Variants in SPATA7 observed in about 807,000 individuals in gnomAD.
The protein encoded by SPATA7 is spermatogenesis associated 7.
SPATA7 carries 43 observed loss-of-function variants against 51.8 expected under a neutral mutation model. The observed-to-expected ratio is 0.83, with a 90% CI of 0.65 to 1.07. The LOEUF (loss-of-function observed/expected upper bound fraction) is 1.07. Ranked by LOEUF, SPATA7 falls within the 50% of genes least tolerant of loss-of-function variation. The pLI is 0.00. For synonymous variants in SPATA7, 230 were observed against 252.8 expected (o/e 0.91, Z 0.86); for missense variants, 683 against 701.3 (o/e 0.97, Z 0.30).
At chr14:88,463,373 C>T (rs566880383) in intron 4 of SPATA7, among the ~76,000 whole-genome samples, 11 of 152,158 alleles carry the variant, frequency 7.2e-5, no homozygotes, top group Admixed American at 5.2e-4. Flanking sequence ...CTGCAACAAA[C>T]GCTGGCATAC....
At chr14:88,445,306 G>A in intron 3 of SPATA7, among the ~76,000 whole-genome samples, 1 of 150,340 alleles carries the variant, frequency 6.7e-6, no homozygotes, top group East Asian at 1.9e-4. Context: ...TGGTGTATAA[G>A]AATGCTTGTG....
rs552547288 is a variant in SPATA7 at position 88,402,198 on chromosome 14, T to C, written c.238+5995T>C. Among the ~76,000 whole-genome samples the C allele has an allele frequency of 3.4e-3, 516 of 152,348 alleles. 13 individuals are homozygous for C. The highest frequency in any genetic ancestry group is 2.0e-3 in the Non-Finnish European group (133 of 68,034). On this transcript the variant is annotated intron_variant, in intron 4 of 11. Transcript: ENST00000393545. The stretch of plus-strand genomic sequence containing the variant: ...CATATTTATGAATTGGAATAATTAA[T>C]ATTGTTATAATTTTTGTACTACCCA...
At chr14:88,460,684 C>T (rs530164566) in intron 4 of SPATA7, among the ~76,000 whole-genome samples, 23 of 152,222 alleles carry the variant, frequency 1.5e-4, no homozygotes, top group East Asian at 5.8e-4. Flanking sequence ...GAAGTTTGAT[C>T]GTCTGAAGCC....
At chr14:88,449,697 G>A (rs1191454272) in intron 3 of SPATA7, among the ~76,000 whole-genome samples, 1 of 152,084 alleles carries the variant, frequency 6.6e-6, no homozygotes, top group African/African-American at 2.4e-5. Flanking sequence ...CACTATTACT[G>A]TATTAACATC....
At chr14:88,439,567 C>T (rs983076628), downstream of SPATA7, among the ~76,000 whole-genome samples, 25 of 152,072 alleles carry the variant, frequency 1.6e-4, 2 homozygotes, top group Non-Finnish European at 5.9e-5. Flanking sequence ...TAAAAAAATA[C>T]AACCCAGGTA....
intron 1 of SPATA7, 44 bp from the exon 2 acceptor site, chr14:88,391,337 T>C (rs2075738506): frequency 7.1e-7 from 1 of 1,418,026 alleles, no homozygotes; most frequent in Admixed American, 1.7e-5. Context: ...GTAAAAGTTG[T>C]GTTTCATTTA....
At chr14:88,432,797 C>T (rs998559787) in intron 9 of SPATA7, 39 of 202,476 alleles carry the variant, frequency 1.9e-4, no homozygotes, top group African/African-American at 7.3e-4. Context: ...AAACATTCCT[C>T]GGGAGTGCTT....
Position 88,394,365 on chromosome 14 carries a change from G to A in SPATA7, c.190+877G>A, listed in dbSNP as rs151128640. Among the ~76,000 whole-genome samples the A allele has an allele frequency of 1.1e-3, 162 of 152,098 alleles. 3 individuals carry two copies. In the East Asian group the frequency reaches 0.029, roughly 27 times the overall value. ...CTGGCAACCACTGATCTGCTCTTTC[G>A]CCTATAGTTTTACCTTTTCTATAAG... On this transcript the variant is annotated intron_variant, in intron 3 of 11. Transcript: ENST00000393545.
chr14:88,464,054 T>G (rs1210195613), intron 4 of SPATA7, among the ~76,000 whole-genome samples: 1 of 152,048 alleles, frequency 6.6e-6, no homozygotes, highest in African/African-American at 2.4e-5. Context: ...TTGGCCAGGC[T>G]GGTCTCATAC....
At position 88,385,954 on chromosome 14, in the gene SPATA7, G is replaced by A. The variant is rs147969668; in HGVS notation, c.19+117G>A. On this transcript the variant is annotated intron_variant, in intron 1 of 11. Coordinates refer to ENST00000393545, the MANE Select transcript of SPATA7 (RefSeq NM_018418.5). ...GCCCCTTGGGGCGCTTCCTACCCCT[G>A]GCTGAGTCGCCAGTGTTGCCTGGAG... is the stretch of plus-strand genomic sequence containing the variant. 3.6e-4 allele frequency: 557 copies of A among 1,535,988 alleles called. 1 individual carries two copies. In the African/African-American group the frequency reaches 6.9e-3, roughly 19 times the overall value.
rs1416355447 is a variant in SPATA7, at chr14:88,396,171, C to T, written c.206C>T (p.Ser69Leu). The T allele has an allele frequency of 9.3e-6, 15 of 1,610,040 alleles. No homozygotes were observed. The highest frequency in any genetic ancestry group is 6.7e-5 in the Admixed American group (4 of 59,978). ...TCTCTTTCAGCTGCAGTAGACTGCT[C>T]GGTTCCAGTAAGCGTGAGTACCAGC... ...ILSAKAAVDC[S>L]VPVSVSTSIK... Residue 69 changes from serine to leucine, a missense_variant, in exon 4 of 12, where the codon TCG becomes TTG. Ser to Leu is a moderately radical substitution (Grantham distance 145). Transcript: ENST00000393545.
chr14:88,428,510 C>G (rs1402487510), intron 7 of SPATA7: 2 of 152,168 alleles, frequency 1.3e-5, no homozygotes, highest in African/African-American at 2.4e-5. Context: ...CCTCTGAGAG[C>G]TGAATTTCCT....
chr14:88,435,377 A>T (rs2077055404), intron 10 of SPATA7, among the ~76,000 whole-genome samples: 2 of 152,264 alleles, frequency 1.3e-5, no homozygotes, highest in South Asian at 2.1e-4. Context: ...GTGAAATAAG[A>T]ACGTCACGGA....
At chr14:88,397,264 T>G (rs1429989755) in intron 4 of SPATA7, among the ~76,000 whole-genome samples, 1 of 152,204 alleles carries the variant, frequency 6.6e-6, no homozygotes, top group Non-Finnish European at 1.5e-5. Context: ...GATTTCCCCA[T>G]GTCCTCCCCA....
intron 4 of SPATA7, among the ~76,000 whole-genome samples, chr14:88,411,544 T>C (rs919471822): frequency 2.6e-5 from 4 of 152,044 alleles, no homozygotes; most frequent in Non-Finnish European, 4.4e-5. Flanking sequence ...GCAAAGACCA[T>C]GGGTAAAGCA....
chr14:88,388,738 CA>C (rs1259043871), intron 1 of SPATA7, among the ~76,000 whole-genome samples: 1 of 151,970 alleles, frequency 6.6e-6, no homozygotes, highest in Non-Finnish European at 1.5e-5. Flanking sequence ...GTATATAAAA[CA>C]AATTAATGAA....
Position 88,396,209 on chromosome 14 carries a change from T to A in SPATA7, c.238+6T>A. On this transcript the variant is annotated splice_donor_region_variant and intron_variant, in intron 4 of 11. Transcript: ENST00000393545. ...CGTGAGTACCAGCATAAAGTGTAAG[T>A]AATTTTTGGACATTATTACCTTTTT... 3.1e-6 allele frequency: 5 copies of A among 1,605,170 alleles called. No individual in the cohort carries two copies. Among genetic ancestry groups the A allele is most frequent in the Non-Finnish European group, 4.3e-6 (5 of 1,173,688 alleles).
chr14:88,386,908 A>C (rs1222344626), intron 1 of SPATA7, among the ~76,000 whole-genome samples: 1 of 152,230 alleles, frequency 6.6e-6, no homozygotes, highest in Non-Finnish European at 1.5e-5. Flanking sequence ...AACTATTCTG[A>C]CACTTCACCA....
At chr14:88,449,762 G>A (rs1183691492) in intron 3 of SPATA7, among the ~76,000 whole-genome samples, 5 of 152,088 alleles carry the variant, frequency 3.3e-5, no homozygotes, top group African/African-American at 1.2e-4. Context: ...GAGCTCCAGT[G>A]TTAGGTGCAT....
Sources: gnomAD v4.1 joint callset for allele counts (sites outside exome capture counted in the v4.1 genomes callset) on GRCh38, gnomAD v4.1.1 for gene constraint, MANE v1.5 for transcripts, NCBI Gene and HGNC (gene_info 2026-07-23, HGNC 2026-07-21) for gene names.